The following ACER1 variants were observed in gnomAD, a reference collection of about 807,000 sequenced individuals.
ACER1 encodes CTB-180A7.3.
In ACER1, 28 loss-of-function variants were observed where a neutral mutation model predicts 24.9. That is an observed-to-expected ratio of 1.13 (90% CI 0.83 to 1.54). The LOEUF is 1.54. Ranked by LOEUF, ACER1 falls within the 40% of genes most tolerant of loss-of-function variation. ACER1 has a pLI of 0.00. For synonymous variants in ACER1, 132 were observed against 131.4 expected, an observed-to-expected ratio of 1.00 and a Z score of -0.03; for missense variants, 352 against 349.3, an observed-to-expected ratio of 1.01 and a Z score of -0.06.
At position 6,306,952 on chromosome 19, in the gene ACER1, T is replaced by C; in HGVS notation, c.627-70A>G. 2.6e-6 allele frequency: 4 copies of C among 1,546,610 alleles called. No homozygotes were observed. In the South Asian group the frequency reaches 4.9e-5, roughly 19 times the overall value. On this transcript the variant is annotated intron_variant, in intron 5 of 5. Coordinates refer to ENST00000301452, the MANE Select transcript of ACER1 (RefSeq NM_133492.3). ...AGCCTCACGCCGGCCCTCTTTTTAC[T>C]TCTCATGGCTCTTGACCATCCATCC...
the ACER1 span, among the ~76,000 whole-genome samples, chr19:6,354,358 G>A: frequency 2.0e-5 from 3 of 151,920 alleles, no homozygotes; most frequent in Middle Eastern, 3.2e-3. Flanking sequence ...TCCTGTTATC[G>A]AGTGGGTGGA....
At chr19:6,321,139 T>C (rs1314709151) in intron 1 of ACER1, among the ~76,000 whole-genome samples, 3 of 151,874 alleles carry the variant, frequency 2.0e-5, no homozygotes, top group Non-Finnish European at 2.9e-5. Flanking sequence ...AAATTTTCTT[T>C]CTTTTTTTTT....
At chr19:6,324,515 T>A (rs1249685159) in intron 1 of ACER1, among the ~76,000 whole-genome samples, 1 of 150,164 alleles carries the variant, frequency 6.7e-6, no homozygotes, top group Non-Finnish European at 1.5e-5. Flanking sequence ...CCCAGCACTT[T>A]GGGAGGCCGA....
chr19:6,329,559 C>T (rs1180820121), intron 1 of ACER1, among the ~76,000 whole-genome samples: 6 of 152,072 alleles, frequency 3.9e-5, no homozygotes, highest in Non-Finnish European at 5.9e-5. Flanking sequence ...AGTTTGACAA[C>T]TGCAGCCTTA....
upstream of ACER1, among the ~76,000 whole-genome samples, chr19:6,334,266 G>A (rs1276143621): frequency 6.6e-6 from 1 of 151,962 alleles, no homozygotes. Context: ...GGATGGTCTC[G>A]ATCTCCTGAC....
chr19:6,324,326 G>A (rs986850698), intron 1 of ACER1, among the ~76,000 whole-genome samples: 2 of 149,420 alleles, frequency 1.3e-5, no homozygotes, highest in African/African-American at 4.9e-5. Context: ...TTACAGGCAT[G>A]AGCCACCGCA....
At chr19:6,344,746 T>A in the ACER1 span, among the ~76,000 whole-genome samples, 1 of 151,880 alleles carries the variant, frequency 6.6e-6, no homozygotes, top group Non-Finnish European at 1.5e-5. Context: ...GGGGGCACAA[T>A]TGTTGGATTA....
At chr19:6,339,081 T>C in the ACER1 span, among the ~76,000 whole-genome samples, 3 of 149,002 alleles carry the variant, frequency 2.0e-5, no homozygotes, top group Admixed American at 2.0e-4. Flanking sequence ...TTCAGCATGT[T>C]AGCCAGGCTG....
At chr19:6,328,496 CAAAAAAA>C (rs1013111916) in intron 1 of ACER1, among the ~76,000 whole-genome samples, 628 of 41,248 alleles carry the variant, frequency 0.015, 7 homozygotes, top group African/African-American at 0.039. Context: ...GACTCCATCT[CAAAAAAA>C]AAAAAAAAAA....
Position 6,306,901 on chromosome 19 carries a change from A to G in ACER1, c.627-19T>C. ...CACATGCCTGTGGAGTGCAGGGCGA[A>G]GGTGGCGAGGGCACAAGATACCCAC... On this transcript the variant is annotated intron_variant, in intron 5 of 5. Transcript: ENST00000301452. 6.2e-7 allele frequency: 1 copy of G among 1,601,184 alleles called. No individual in the cohort carries two copies. Among genetic ancestry groups the G allele is most frequent in the Non-Finnish European group, 8.5e-7 (1 of 1,171,396 alleles).
chr19:6,319,171 G>C (rs568688592), intron 1 of ACER1, among the ~76,000 whole-genome samples: 5 of 152,320 alleles, frequency 3.3e-5, no homozygotes, highest in African/African-American at 1.2e-4. Flanking sequence ...TTAGGGGCCA[G>C]CAGAGTCCAG....
chr19:6,318,794 T>A (rs555817565), intron 1 of ACER1, among the ~76,000 whole-genome samples: 4,702 of 143,048 alleles, frequency 0.033, 108 homozygotes, highest in South Asian at 0.056. Context: ...TCAAAAAAAA[T>A]AAATAAATAA....
chr19:6,350,876 G>A, the ACER1 span, among the ~76,000 whole-genome samples: 21 of 152,174 alleles, frequency 1.4e-4, no homozygotes, highest in South Asian at 2.1e-3. Flanking sequence ...CTGGCTCCTC[G>A]GCAGCCAGGT....
the ACER1 span, among the ~76,000 whole-genome samples, chr19:6,353,855 A>G: frequency 2.5e-4 from 38 of 151,186 alleles, no homozygotes; most frequent in African/African-American, 7.5e-4. Flanking sequence ...ATAAAATAAT[A>G]AAATAAAATA....
At chr19:6,347,795 C>T in the ACER1 span, among the ~76,000 whole-genome samples, 7 of 152,090 alleles carry the variant, frequency 4.6e-5, no homozygotes, top group Non-Finnish European at 5.9e-5. Flanking sequence ...CAGATCATGC[C>T]ATTGCACTCC....
chr19:6,315,482 C>G (rs1453886242), intron 1 of ACER1, among the ~76,000 whole-genome samples: 1 of 152,030 alleles, frequency 6.6e-6, no homozygotes, highest in Admixed American at 6.6e-5. Flanking sequence ...CGGGTTCATG[C>G]CATTCTCCTG....
intron 3 of ACER1, 108 bp downstream of exon 3, chr19:6,312,041 G>T: frequency 6.4e-6 from 9 of 1,405,642 alleles, no homozygotes; most frequent in East Asian, 2.5e-5. Context: ...AATTCCAAGG[G>T]CCCCAAAGAG....
At chr19:6,339,793 G>A in the ACER1 span, among the ~76,000 whole-genome samples, 346 of 151,966 alleles carry the variant, frequency 2.3e-3, 2 homozygotes, top group African/African-American at 7.7e-3. Context: ...TCAGCCTCCC[G>A]ATGGGACTAC....
chr19:6,334,170 G>A (rs558258698), upstream of ACER1, among the ~76,000 whole-genome samples: 23 of 148,996 alleles, frequency 1.5e-4, no homozygotes, highest in East Asian at 4.5e-3. Context: ...TCAGCCTCCC[G>A]AGTAGCTGGG....
Sources: allele counts gnomAD v4.1 joint callset (sites outside exome capture counted in the v4.1 genomes callset), GRCh38; gene constraint gnomAD v4.1.1; transcripts MANE v1.5; gene names NCBI Gene and HGNC (gene_info 2026-07-23, HGNC 2026-07-21).